The following CEP112 variants were observed in gnomAD, a reference collection of about 807,000 sequenced individuals.
CEP112 encodes the protein centrosomal protein of 112 kDa.
Under a neutral mutation model 153.0 loss-of-function variants are expected in CEP112, and 127 were observed. That is an observed-to-expected ratio of 0.83 (90% CI 0.72 to 0.96). The LOEUF is 0.96. CEP112 is among the 40% of genes least tolerant of loss of function. The pLI is 0.00. For missense variants in CEP112, 1,089 were observed against 1,101.2 expected (o/e 0.99, Z 0.16); for synonymous variants, 358 against 374.4 (o/e 0.96, Z 0.51).
chr17:66,084,285 C>G (rs890230564), intron 8 of CEP112, among the ~76,000 whole-genome samples: 1 of 152,094 alleles, frequency 6.6e-6, no homozygotes, highest in African/African-American at 2.4e-5. Context: ...AATAGAACTA[C>G]CAATCCACCA....
rs73344889 is a variant in CEP112 at position 65,876,603 on chromosome 17, C to T, written c.2164-24569G>A. On this transcript the variant is annotated intron_variant, in intron 20 of 26. Coordinates refer to ENST00000535342, the MANE Select transcript of CEP112 (RefSeq NM_001199165.4). ...ACCTTTTCAACCTATAGACCTATACCCTTCGGCCCTGTAACTTCATTGACT... is the reference window on the plus strand; with the variant it reads ...ACCTTTTCAACCTATAGACCTATACTCTTCGGCCCTGTAACTTCATTGACT... Among the ~76,000 whole-genome samples the T allele has an allele frequency of 9.6e-3, 1,466 of 152,152 alleles. 29 individuals are homozygous for T. The highest frequency in any genetic ancestry group is 0.034 in the African/African-American group (1,396 of 41,510).
chr17:65,874,926 T>C (rs1256261479), intron 20 of CEP112, among the ~76,000 whole-genome samples: 1 of 152,134 alleles, frequency 6.6e-6, no homozygotes, highest in African/African-American at 2.4e-5. Context: ...GGTTTCCCTA[T>C]GCTACCTTAA....
chr17:65,743,348 A>G, intron 22 of CEP112, 131 bp from the exon 23 acceptor site: 1 of 665,558 alleles, frequency 1.5e-6, no homozygotes. Flanking sequence ...TTCAATTAAC[A>G]TATCACACAC....
chr17:65,827,714 C>G (rs1443488381), intron 21 of CEP112, among the ~76,000 whole-genome samples: 2 of 152,186 alleles, frequency 1.3e-5, no homozygotes, highest in African/African-American at 4.8e-5. Context: ...CCTCTAATGT[C>G]TTTTCCAACT....
chr17:65,741,967 A>T (rs1218553121), intron 23 of CEP112, among the ~76,000 whole-genome samples: 1 of 151,868 alleles, frequency 6.6e-6, no homozygotes, highest in Non-Finnish European at 1.5e-5. Context: ...AGGGGAAATA[A>T]GCTTGCAGGT....
At chr17:65,913,652 T>A in intron 19 of CEP112, 3 of 985,442 alleles carry the variant, frequency 3.0e-6, no homozygotes, top group Non-Finnish European at 3.6e-6. Context: ...GTTGCTGTGA[T>A]AACCGCTGTT....
intron 24 of CEP112, among the ~76,000 whole-genome samples, chr17:65,670,315 CTGTT>C (rs2144039979): frequency 6.6e-6 from 1 of 151,434 alleles, no homozygotes; most frequent in South Asian, 2.1e-4. Context: ...TTTCAACTCA[CTGTT>C]TGGGTCCTGT....
intron 6 of CEP112, among the ~76,000 whole-genome samples, chr17:66,123,869 A>C (rs2069715950): frequency 6.6e-6 from 1 of 152,064 alleles, no homozygotes; most frequent in South Asian, 2.1e-4. Context: ...CTCTAGTTTA[A>C]TTCTCTATGA....
intron 20 of CEP112, among the ~76,000 whole-genome samples, chr17:65,873,342 T>C (rs1169644813): frequency 6.6e-6 from 1 of 152,246 alleles, no homozygotes; most frequent in African/African-American, 2.4e-5. Context: ...TTCTTGACTT[T>C]CGGTAATTAT....
At position 65,649,073 on chromosome 17, in the gene CEP112, A is replaced by AACACACACACAC. The variant is rs71158400; in HGVS notation, c.2698-8020_2698-8009dup. Reference sequence around the variant, plus strand: ...CTCAAAACAAACAAACAAACAAACAAACACACACACACACACACACACACA... The same window carrying AACACACACACAC: ...CTCAAAACAAACAAACAAACAAACAAACACACACACACACACACACACACACACACACACACA... On this transcript the variant is annotated intron_variant, in intron 24 of 26. Transcript: ENST00000535342. Among the ~76,000 whole-genome samples the AACACACACACAC allele has an allele frequency of 2.9e-3, 412 of 139,886 alleles. 2 individuals are homozygous for AACACACACACAC. The highest frequency in any genetic ancestry group is 4.8e-3 in the Non-Finnish European group (303 of 62,494). 91.8% of individuals were successfully genotyped at this position (139,886 alleles called of 152,430 possible). A position where few individuals can be genotyped will look rare whatever the true frequency, so the allele number is the denominator to read the frequency against.
At chr17:65,972,921 A>T (rs1349495026) in intron 17 of CEP112, among the ~76,000 whole-genome samples, 2 of 152,098 alleles carry the variant, frequency 1.3e-5, no homozygotes, top group Non-Finnish European at 2.9e-5. Context: ...ACCTGCCACC[A>T]CACCCAGCTA....
chr17:66,035,155 G>A (rs932816480), intron 12 of CEP112, among the ~76,000 whole-genome samples: 3 of 151,136 alleles, frequency 2.0e-5, no homozygotes, highest in Non-Finnish European at 4.4e-5. Context: ...TTGAAATTTT[G>A]ACTAAGGAAT....
At chr17:65,957,698 T>C (rs1568290859) in intron 18 of CEP112, among the ~76,000 whole-genome samples, 2 of 152,256 alleles carry the variant, frequency 1.3e-5, no homozygotes, top group Middle Eastern at 3.4e-3. Context: ...ATATACTCTA[T>C]CTTATTTTGG....
chr17:66,040,644 C>A (rs1312296978), intron 12 of CEP112, among the ~76,000 whole-genome samples: 1 of 151,902 alleles, frequency 6.6e-6, no homozygotes, highest in Non-Finnish European at 1.5e-5. Context: ...CATGTGCCAA[C>A]CACGCTTGGC....
At chr17:65,663,512 C>G (rs1316240086) in intron 24 of CEP112, among the ~76,000 whole-genome samples, 4 of 152,124 alleles carry the variant, frequency 2.6e-5, no homozygotes, top group African/African-American at 9.7e-5. Context: ...TAGGAGCTCC[C>G]TATATTTCTT....
At chr17:65,910,429 G>C (rs900472045) in intron 19 of CEP112, among the ~76,000 whole-genome samples, 1 of 151,986 alleles carries the variant, frequency 6.6e-6, no homozygotes, top group Non-Finnish European at 1.5e-5. Context: ...TTAGGAAAAA[G>C]GTGAACTTAG....
At chr17:65,826,160 T>A (rs1355730319) in intron 21 of CEP112, 1 of 1,614,042 alleles carries the variant, frequency 6.2e-7, no homozygotes, top group Non-Finnish European at 8.5e-7. Context: ...GAGGTTAGAT[T>A]TTCCTGTATC....
At chr17:65,979,172 A>G (rs2063139132) in intron 17 of CEP112, among the ~76,000 whole-genome samples, 2 of 152,118 alleles carry the variant, frequency 1.3e-5, no homozygotes, top group African/African-American at 4.8e-5. Context: ...TTGATACTTA[A>G]GAGAGCTATT....
chr17:66,120,160 T>C (rs1376344238), intron 6 of CEP112, among the ~76,000 whole-genome samples: 2 of 152,160 alleles, frequency 1.3e-5, no homozygotes, highest in African/African-American at 2.4e-5. Flanking sequence ...ATTAAATTTG[T>C]CAGTGAAACC....
Sources: allele counts gnomAD v4.1 joint callset (sites outside exome capture counted in the v4.1 genomes callset), GRCh38; gene constraint gnomAD v4.1.1; transcripts MANE v1.5; gene names NCBI Gene and HGNC (gene_info 2026-07-23, HGNC 2026-07-21).